The following OSBPL9 variants were observed in gnomAD, a reference collection of about 807,000 sequenced individuals.
OSBPL9 encodes the protein oxysterol binding protein like 9, also known as oxysterol-binding protein-related protein 9.
Under a neutral mutation model 106.6 loss-of-function variants are expected in OSBPL9, and 40 were observed. The observed-to-expected ratio is 0.38, with a 90% CI of 0.29 to 0.49. The LOEUF (loss-of-function observed/expected upper bound fraction) is 0.49. Ranked by LOEUF, OSBPL9 falls within the 20% of genes least tolerant of loss-of-function variation. The pLI, the probability that OSBPL9 is intolerant of heterozygous loss-of-function variation, is 0.97. For missense variants in OSBPL9, 609 were observed against 887.2 expected, an observed-to-expected ratio of 0.69 and a Z score of 3.98; for synonymous variants, 269 against 295.4, an observed-to-expected ratio of 0.91 and a Z score of 0.92.
In OSBPL9 at chr1:51,617,331, C is replaced by G. The variant is rs549649143; in HGVS notation, c.111+110C>G. ...AGTTGAGGTTGCTAGTCTGGGGGTG[C>G]CGCCGTACGCGAGGGTTCCCTTGTT... On this transcript the variant is annotated intron_variant, in intron 1 of 23. Transcript: ENST00000428468. 3.0e-5 allele frequency: 33 copies of G among 1,096,604 alleles called. No individual in the cohort carries two copies. In the South Asian group the frequency reaches 5.2e-4, roughly 17 times the overall value. 67.9% of individuals were successfully genotyped at this position (1,096,604 alleles called of 1,614,324 possible). A position where few individuals can be genotyped will look rare whatever the true frequency, so the allele number is the denominator to read the frequency against.
chr1:51,667,380 C>T (rs1457789216), intron 2 of OSBPL9, among the ~76,000 whole-genome samples: 1 of 152,106 alleles, frequency 6.6e-6, no homozygotes, highest in Non-Finnish European at 1.5e-5. Context: ...TTCACCCCAA[C>T]CCTCCCAGCA....
the OSBPL9 span, among the ~76,000 whole-genome samples, chr1:51,546,270 GACTCCCAA>G: frequency 6.6e-6 from 1 of 152,026 alleles, no homozygotes; most frequent in East Asian, 1.9e-4. Context: ...GCCTGCCTTG[GACTCCCAA>G]AGTGCTAGGA....
At chr1:51,717,383 T>C (rs566278884) in intron 4 of OSBPL9, among the ~76,000 whole-genome samples, 1 of 152,350 alleles carries the variant, frequency 6.6e-6, no homozygotes, top group African/African-American at 2.4e-5. Flanking sequence ...AGCGTTTTCT[T>C]TGACAACAGT....
At chr1:51,598,137 G>C (rs1645311710) in exon 2 of OSBPL9, 1 of 152,226 alleles carries the variant, frequency 6.6e-6, no homozygotes, top group African/African-American at 2.4e-5. Flanking sequence ...AAGGAACTGA[G>C]TCTCTAAGAT....
At chr1:51,786,296 G>C in intron 21 of OSBPL9, 1 of 477,098 alleles carries the variant, frequency 2.1e-6, no homozygotes, top group Non-Finnish European at 3.7e-6. Context: ...CCTGGCACCA[G>C]AGATACCAAA....
chr1:51,785,536 G>A (rs1677398517), intron 20 of OSBPL9: 1 of 440,018 alleles, frequency 2.3e-6, no homozygotes, highest in African/African-American at 2.1e-5. Flanking sequence ...CTTGAGGATA[G>A]GGAATTTGCC....
rs1655815050 is a variant in OSBPL9, at chr1:51,695,401, G to A, written c.242-18602G>A. ...AGTACGAAAATAGTTTTGCACTGAG[G>A]ACCCCAATCTCGTTGGATTCCCAGT... is the stretch of plus-strand genomic sequence containing the variant. On this transcript the variant is annotated intron_variant, in intron 3 of 23. Coordinates refer to ENST00000428468, the MANE Select transcript of OSBPL9 (RefSeq NM_024586.6). Among the ~76,000 whole-genome samples, 7 of 152,090 alleles carry A rather than the reference G, an allele frequency of 4.6e-5. No homozygotes were observed. The South Asian group carries it at 1.5e-3, about 32-fold the overall frequency.
chr1:51,528,066 G>A, the OSBPL9 span, among the ~76,000 whole-genome samples: 2 of 152,102 alleles, frequency 1.3e-5, no homozygotes, highest in Admixed American at 1.3e-4. Context: ...AGAGGCTGCA[G>A]TAAGCCAAGA....
At chr1:51,667,064 A>G (rs995944832) in intron 2 of OSBPL9, among the ~76,000 whole-genome samples, 9 of 152,222 alleles carry the variant, frequency 5.9e-5, no homozygotes, top group Admixed American at 2.6e-4. Flanking sequence ...GCCTGTGGTA[A>G]TGGAACAAGG....
chr1:51,661,230 G>A (rs893611437), intron 2 of OSBPL9, among the ~76,000 whole-genome samples: 1 of 152,168 alleles, frequency 6.6e-6, no homozygotes, highest in African/African-American at 2.4e-5. Flanking sequence ...CTATGTCTCA[G>A]AGGAGTCATC....
At chr1:51,658,892 T>C (rs1646974851) in intron 2 of OSBPL9, among the ~76,000 whole-genome samples, 1 of 152,156 alleles carries the variant, frequency 6.6e-6, no homozygotes, top group Non-Finnish European at 1.5e-5. Flanking sequence ...CTCTATTCAT[T>C]GTGGCTTTTC....
chr1:51,758,910 A>G (rs1670928920), intron 9 of OSBPL9, among the ~76,000 whole-genome samples: 1 of 152,168 alleles, frequency 6.6e-6, no homozygotes, highest in African/African-American at 2.4e-5. Flanking sequence ...GGCTTGGTCT[A>G]GTATCTGAAA....
At chr1:51,667,959 G>T (rs1170643034) in intron 2 of OSBPL9, among the ~76,000 whole-genome samples, 2 of 152,172 alleles carry the variant, frequency 1.3e-5, no homozygotes, top group South Asian at 4.1e-4. Flanking sequence ...TCAAGTAGGT[G>T]GAATTTGGAT....
intron 3 of OSBPL9, among the ~76,000 whole-genome samples, chr1:51,692,561 A>C (rs1655181257): frequency 6.6e-6 from 1 of 151,732 alleles, no homozygotes; most frequent in Admixed American, 6.6e-5. Flanking sequence ...TTACAGGACC[A>C]CTGTCATATA....
the OSBPL9 span, chr1:51,563,555 T>C: frequency 6.6e-6 from 1 of 152,246 alleles, no homozygotes; most frequent in Non-Finnish European, 1.5e-5. Flanking sequence ...GAATTTCTGT[T>C]TCATCAATTA....
At chr1:51,618,024 G>GTGTGTGTGT (rs1553150728) in intron 1 of OSBPL9, among the ~76,000 whole-genome samples, 2 of 150,416 alleles carry the variant, frequency 1.3e-5, no homozygotes, top group African/African-American at 2.4e-5. Flanking sequence ...GTGTGTGTGT[G>GTGTGTGTGT]GTTTTTTTTT....
the OSBPL9 span, among the ~76,000 whole-genome samples, chr1:51,525,053 G>A: frequency 4.6e-5 from 7 of 152,192 alleles, no homozygotes; most frequent in African/African-American, 1.7e-4. Context: ...CCAGACTTGG[G>A]CTCTAAAGTA....
chr1:51,675,245 C>T (rs74380399), intron 3 of OSBPL9, among the ~76,000 whole-genome samples: 1,817 of 152,244 alleles, frequency 0.012, 38 homozygotes, highest in African/African-American at 0.042. Flanking sequence ...TTGGAGAGGT[C>T]ACACCCTGTG....
At chr1:51,670,163 A>G (rs1233076562) in intron 3 of OSBPL9, among the ~76,000 whole-genome samples, 1 of 152,148 alleles carries the variant, frequency 6.6e-6, no homozygotes, top group Admixed American at 6.5e-5. Context: ...TTGCTTTGAA[A>G]ACTCTAAACC....
Sources: allele counts gnomAD v4.1 joint callset (sites outside exome capture counted in the v4.1 genomes callset), GRCh38; gene constraint gnomAD v4.1.1; transcripts MANE v1.5; gene names NCBI Gene and HGNC (gene_info 2026-07-23, HGNC 2026-07-21).